TJP2: variants seen among roughly 807,000 people sequenced by gnomAD.
TJP2 encodes the protein Friedreich ataxia region gene X104 (tight junction protein ZO-2).
In TJP2, 91 loss-of-function variants were observed where a neutral mutation model predicts 133.1. The ratio of observed to expected loss-of-function variants is 0.68; its 90% CI spans 0.58 to 0.81. The LOEUF is 0.81. TJP2 is among the 40% of genes least tolerant of loss of function. The pLI, the probability that TJP2 is intolerant of heterozygous loss-of-function variation, is 0.00. For synonymous variants in TJP2, 592 were observed against 583.4 expected (o/e 1.01, Z -0.21); for missense variants, 1,541 against 1,565.6 (o/e 0.98, Z 0.26).
At chr9:69,251,900 C>G (rs1435632429) in intron 21 of TJP2, among the ~76,000 whole-genome samples, 6 of 152,182 alleles carry the variant, frequency 3.9e-5, no homozygotes, top group Non-Finnish European at 5.9e-5. Flanking sequence ...AGCACAACAG[C>G]AGCAGTACAT....
chr9:69,233,792 A>G (rs964449383), intron 11 of TJP2, among the ~76,000 whole-genome samples: 5 of 152,066 alleles, frequency 3.3e-5, no homozygotes, highest in East Asian at 1.9e-4. Context: ...AAAAAACCAC[A>G]TAGCACTATG....
At chr9:69,234,340 C>T in intron 11 of TJP2, 99 bp from the exon 12 acceptor site, 1 of 970,118 alleles carries the variant, frequency 1.0e-6, no homozygotes. Flanking sequence ...ACAAAAGGGT[C>T]AGTGGCATCT....
At position 69,221,345 on chromosome 9, in the gene TJP2, G is replaced by A. The variant is rs1265992552; in HGVS notation, c.801G>A (p.Pro267=). 8.8e-6 allele frequency: 14 copies of A among 1,590,306 alleles called. No homozygotes were observed. The South Asian group carries it at 9.1e-5, about 10-fold the overall frequency. The part of the protein sequence containing the change: ...YDPDYERAYS[P]EYRRGARHDA... ...CAGACTACGAGCGGGCCTACAGCCCGGAGTACAGGCGCGGGGCCCGCCACG... is the reference window on the plus strand; with the variant it reads ...CAGACTACGAGCGGGCCTACAGCCCAGAGTACAGGCGCGGGGCCCGCCACG... Residue 267 remains proline, a synonymous_variant, in exon 5 of 23, where the codon CCG becomes CCA. Coordinates refer to ENST00000377245, the MANE Select transcript of TJP2 (RefSeq NM_004817.4).
intron 1 of TJP2, among the ~76,000 whole-genome samples, chr9:69,195,365 C>T (rs567982115): frequency 6.6e-6 from 1 of 151,290 alleles, no homozygotes; most frequent in Non-Finnish European, 1.5e-5. Flanking sequence ...TATAGCTTAG[C>T]TTAGTGTATC....
intron 1 of TJP2, among the ~76,000 whole-genome samples, chr9:69,212,197 G>T (rs1827969772): frequency 6.6e-6 from 1 of 152,128 alleles, no homozygotes; most frequent in Non-Finnish European, 1.5e-5. Flanking sequence ...AAGAGGGGGA[G>T]AATGATTTTA....
At chr9:69,173,068 A>G (rs1169238913), upstream of TJP2, among the ~76,000 whole-genome samples, 1 of 152,206 alleles carries the variant, frequency 6.6e-6, no homozygotes, top group Non-Finnish European at 1.5e-5. Context: ...AGAGGCATCT[A>G]CTGGACTTGT....
intron 1 of TJP2, among the ~76,000 whole-genome samples, chr9:69,180,491 GT>G (rs1825419335): frequency 6.6e-6 from 1 of 152,088 alleles, no homozygotes; most frequent in South Asian, 2.1e-4. Context: ...AGAGTCATTT[GT>G]TTTCAGAGTA....
intron 1 of TJP2, among the ~76,000 whole-genome samples, chr9:69,146,738 T>G (rs915534798): frequency 2.0e-5 from 3 of 152,100 alleles, no homozygotes; most frequent in African/African-American, 7.2e-5. Flanking sequence ...GGGCATTTTT[T>G]TTGTTGTTAT....
chr9:69,159,487 T>A (rs180890929), intron 2 of TJP2, among the ~76,000 whole-genome samples: 109 of 152,346 alleles, frequency 7.2e-4, no homozygotes, highest in Non-Finnish European at 2.1e-4. Flanking sequence ...ACTGGTTACT[T>A]AAAATAATTA....
In TJP2 at chr9:69,254,358, G is replaced by A. The variant is rs201144827; in HGVS notation, c.3557G>A (p.Arg1186Gln). The change falls in exon 23 of 23, where the codon CGG becomes CAG. Residue 1186 changes from arginine (R) to glutamine (Q), a missense_variant. Physicochemically the swap from Arg to Gln is conservative, Grantham distance 43. Coordinates refer to ENST00000377245, the MANE Select transcript of TJP2 (RefSeq NM_004817.4). ...TACTATGGCCAGTCTGCCCGATACC[G>A]GGACACAGAATTATAGATGTCTGAG... ...RGYYGQSARY[R>Q]DTEL is the part of the protein sequence containing the mutation. The A allele has an allele frequency of 7.0e-5, 113 of 1,614,056 alleles. No homozygotes were observed. In the Middle Eastern group the frequency reaches 9.9e-4, roughly 14 times the overall value.
chr9:69,249,564 C>T (rs2133479474), intron 20 of TJP2, 79 bp downstream of exon 20: 1 of 1,549,796 alleles, frequency 6.5e-7, no homozygotes, highest in Admixed American at 2.0e-5. Flanking sequence ...CAGGGAGGAG[C>T]ATGCACACTG....
chr9:69,194,261 A>G (rs947085816), intron 1 of TJP2, among the ~76,000 whole-genome samples: 1 of 152,172 alleles, frequency 6.6e-6, no homozygotes, highest in Non-Finnish European at 1.5e-5. Context: ...TTTTGAAAAT[A>G]AGTACTATTT....
At chr9:69,251,908 C>T (rs1032744517) in intron 21 of TJP2, among the ~76,000 whole-genome samples, 1 of 152,198 alleles carries the variant, frequency 6.6e-6, no homozygotes, top group Admixed American at 6.5e-5. Context: ...AGCAGCAGTA[C>T]ATCTGAGCAT....
In TJP2 at chr9:69,236,186, G is replaced by T. The variant is rs760030740; in HGVS notation, c.1939G>T (p.Ala647Ser). ...LYDGKLGNWL[A>S]VRIGNELEKG... ...TGACGGCAAGCTGGGCAACTGGCTG[G>T]CTGTGAGGATTGGGAACGAGTTGGA... The change falls in exon 13 of 23, where the codon GCT becomes TCT. Residue 647 changes from alanine (A) to serine (S), a missense_variant. Physicochemically the swap from Ala to Ser is moderately conservative, Grantham distance 99. Coordinates refer to ENST00000377245, the MANE Select transcript of TJP2 (RefSeq NM_004817.4). The T allele has an allele frequency of 2.2e-5, 36 of 1,614,148 alleles. No homozygotes were observed. In the East Asian group the frequency reaches 6.5e-4, roughly 29 times the overall value.
intron 17 of TJP2, among the ~76,000 whole-genome samples, chr9:69,240,982 TGCCTA>T (rs1295808269): frequency 6.6e-6 from 1 of 152,184 alleles, no homozygotes; most frequent in Non-Finnish European, 1.5e-5. Context: ...GTTGAGAATT[TGCCTA>T]AATAGTCTGC....
At chr9:69,241,797 T>C (rs938688069) in intron 17 of TJP2, among the ~76,000 whole-genome samples, 2 of 152,166 alleles carry the variant, frequency 1.3e-5, no homozygotes, top group African/African-American at 4.8e-5. Flanking sequence ...ACAATTCTGA[T>C]GTATGACTGA....
intron 17 of TJP2, among the ~76,000 whole-genome samples, chr9:69,245,791 C>T (rs1830883869): frequency 1.3e-5 from 2 of 152,186 alleles, no homozygotes; most frequent in African/African-American, 4.8e-5. Context: ...CTGGTTGATG[C>T]ATAGTAAGTG....
chr9:69,235,914 C>A, intron 12 of TJP2, 114 bp from the exon 13 acceptor site: 1 of 945,780 alleles, frequency 1.1e-6, no homozygotes, highest in Non-Finnish European at 1.7e-6. Context: ...AGGACTTGTG[C>A]ACTGAATGGA....
At chr9:69,169,350 TTC>T (rs976604460), upstream of TJP2, among the ~76,000 whole-genome samples, 9 of 133,622 alleles carry the variant, frequency 6.7e-5, no homozygotes, top group African/African-American at 2.3e-4. Flanking sequence ...CTGTAAACTT[TTC>T]TCTTTTTTTT....
Sources: allele counts gnomAD v4.1 joint callset (sites outside exome capture counted in the v4.1 genomes callset), GRCh38; gene constraint gnomAD v4.1.1; transcripts MANE v1.5; gene names NCBI Gene and HGNC (gene_info 2026-07-23, HGNC 2026-07-21).